The following USP34 variants were observed in gnomAD, a reference collection of about 807,000 sequenced individuals.
The protein encoded by USP34 is ubiquitin specific peptidase 34.
In USP34, 70 loss-of-function variants were observed where a neutral mutation model predicts 460.3. The ratio of observed to expected loss-of-function variants is 0.15; its 90% CI spans 0.13 to 0.19. The LOEUF is 0.19. Ranked by LOEUF, USP34 falls within the 10% of genes least tolerant of loss-of-function variation. The pLI is 1.00. For missense variants in USP34, 3,985 were observed against 4,236.2 expected, an observed-to-expected ratio of 0.94 and a Z score of 1.65; for synonymous variants, 1,647 against 1,405.3, an observed-to-expected ratio of 1.17 and a Z score of -3.85.
Position 61,243,443 on chromosome 2 carries a change from G to A in USP34, c.6628-1624C>T, listed in dbSNP as rs144014812. On this transcript the variant is annotated intron_variant, in intron 51 of 79. Coordinates refer to ENST00000398571, the MANE Select transcript of USP34 (RefSeq NM_014709.4). ...ATTACAGGCGTGAGCCACCATGCCC[G>A]GCCTCAAAACATTTTTTAAAGATAC... is the stretch of plus-strand genomic sequence containing the variant. Among the ~76,000 whole-genome samples the A allele has an allele frequency of 5.8e-3, 885 of 151,706 alleles. 8 individuals carry two copies. Among genetic ancestry groups the A allele is most frequent in the African/African-American group, 0.019 (784 of 41,368 alleles).
chr2:61,449,885 G>T (rs992460632), intron 1 of USP34, among the ~76,000 whole-genome samples: 3 of 152,068 alleles, frequency 2.0e-5, no homozygotes, highest in Non-Finnish European at 4.4e-5. Flanking sequence ...GGCCAATATG[G>T]TGAAACCCCG....
chr2:61,413,555 G>A (rs899162143), intron 2 of USP34, among the ~76,000 whole-genome samples: 7 of 139,640 alleles, frequency 5.0e-5, no homozygotes, highest in Non-Finnish European at 9.1e-5. Context: ...AGATACTCAG[G>A]AGGCTGAGGC....
chr2:61,296,031 G>T (rs1016619539), intron 30 of USP34, among the ~76,000 whole-genome samples: 7 of 152,262 alleles, frequency 4.6e-5, no homozygotes, highest in African/African-American at 1.7e-4. Context: ...GGCTGAGATG[G>T]GCAGATCATT....
chr2:61,191,738 A>G (rs554857429), intron 76 of USP34, among the ~76,000 whole-genome samples: 4 of 152,366 alleles, frequency 2.6e-5, no homozygotes, highest in Admixed American at 1.3e-4. Flanking sequence ...ATAGGGAGCA[A>G]TAGGTAGTGG....
At chr2:61,344,248 T>A (rs951801444) in intron 15 of USP34, among the ~76,000 whole-genome samples, 9 of 152,294 alleles carry the variant, frequency 5.9e-5, no homozygotes, top group African/African-American at 1.9e-4. Flanking sequence ...ACCAGGCCTA[T>A]TAAGACACCT....
intron 41 of USP34, among the ~76,000 whole-genome samples, chr2:61,272,551 C>A (rs1171839293): frequency 6.6e-6 from 1 of 152,092 alleles, no homozygotes; most frequent in African/African-American, 2.4e-5. Context: ...TTGTCCCTCT[C>A]TGGAACCATC....
chr2:61,308,489 T>G (rs747262615), intron 27 of USP34, among the ~76,000 whole-genome samples: 11 of 152,032 alleles, frequency 7.2e-5, no homozygotes, highest in Non-Finnish European at 1.6e-4. Flanking sequence ...AGGAAGAGTC[T>G]TACAGGCAAA....
chr2:61,453,078 A>C (rs945624567), intron 1 of USP34, among the ~76,000 whole-genome samples: 2 of 152,112 alleles, frequency 1.3e-5, no homozygotes, highest in African/African-American at 4.8e-5. Context: ...AAATTAATAC[A>C]ACCTTTCTAG....
chr2:61,335,786 C>T (rs1691398065), intron 18 of USP34, among the ~76,000 whole-genome samples: 1 of 152,096 alleles, frequency 6.6e-6, no homozygotes, highest in African/African-American at 2.4e-5. Flanking sequence ...AGTAATAATA[C>T]ACTAATTTTA....
chr2:61,450,305 T>C (rs1486531585), intron 1 of USP34, among the ~76,000 whole-genome samples: 1 of 152,156 alleles, frequency 6.6e-6, no homozygotes, highest in African/African-American at 2.4e-5. Flanking sequence ...GGGTGACTGA[T>C]TGCTAAAAGG....
intron 1 of USP34, among the ~76,000 whole-genome samples, chr2:61,426,862 A>G (rs1038589411): frequency 1.3e-5 from 2 of 152,228 alleles, no homozygotes; most frequent in African/African-American, 4.8e-5. Context: ...CAGGACAGCG[A>G]GACCGTGTGT....
chr2:61,254,409 C>T (rs1294685773), intron 48 of USP34, among the ~76,000 whole-genome samples: 1 of 152,154 alleles, frequency 6.6e-6, no homozygotes, highest in Non-Finnish European at 1.5e-5. Context: ...ACTTGGATGG[C>T]AATAATCTGA....
intron 20 of USP34, among the ~76,000 whole-genome samples, chr2:61,330,196 C>T (rs1259511073): frequency 6.6e-6 from 1 of 152,186 alleles, no homozygotes; most frequent in Non-Finnish European, 1.5e-5. Context: ...GTTGTCATAT[C>T]ATATAGCTTC....
chr2:61,319,042 C>A, intron 22 of USP34, 131 bp downstream of exon 22: 1 of 827,084 alleles, frequency 1.2e-6, no homozygotes. Context: ...TATATTAGGA[C>A]TGCTAAAATT....
At chr2:61,387,131 G>C (rs754485364) in intron 5 of USP34, among the ~76,000 whole-genome samples, 5 of 152,060 alleles carry the variant, frequency 3.3e-5, no homozygotes, top group Non-Finnish European at 7.3e-5. Flanking sequence ...TAAGTAATAT[G>C]CCTATGAAAA....
intron 69 of USP34, among the ~76,000 whole-genome samples, chr2:61,209,541 C>T (rs1293232665): frequency 6.6e-6 from 1 of 152,176 alleles, no homozygotes; most frequent in Non-Finnish European, 1.5e-5. Context: ...GTAACATTCA[C>T]AATGCATTAC....
Position 61,378,350 on chromosome 2 carries a change from T to C in USP34, c.1076+13A>G, listed in dbSNP as rs1296027579. 7 of 1,553,078 alleles carry C rather than the reference T, an allele frequency of 4.5e-6. No individual in the cohort carries two copies. Among genetic ancestry groups the C allele is most frequent in the Middle Eastern group, 1.7e-4 (1 of 5,840 alleles). ...AATGGTATACTTATATATAAATTAA[T>C]GCTCCTACTTACGTTTCTGTGTCCG... On this transcript the variant is annotated intron_variant, in intron 8 of 79. Coordinates refer to ENST00000398571, the MANE Select transcript of USP34 (RefSeq NM_014709.4).
intron 43 of USP34, 82 bp from the exon 44 acceptor site, chr2:61,259,858 T>A: frequency 1.6e-6 from 2 of 1,246,096 alleles, no homozygotes; most frequent in East Asian, 4.7e-5. Flanking sequence ...AGTCTTGCAA[T>A]GTACACTGTA....
chr2:61,352,530 T>C (rs1054487233), intron 10 of USP34, among the ~76,000 whole-genome samples: 2 of 152,106 alleles, frequency 1.3e-5, no homozygotes, highest in African/African-American at 2.4e-5. Flanking sequence ...TCTCATGATA[T>C]TGCCCAGTCT....
Sources: allele counts gnomAD v4.1 joint callset (sites outside exome capture counted in the v4.1 genomes callset), GRCh38; gene constraint gnomAD v4.1.1; transcripts MANE v1.5; gene names NCBI Gene and HGNC (gene_info 2026-07-23, HGNC 2026-07-21).